The following SLC25A37 variants were observed in gnomAD, a reference collection of about 807,000 sequenced individuals.
SLC25A37 encodes the protein solute carrier family 25 member 37.
A neutral mutation model predicts 31.0 loss-of-function variants in SLC25A37; 17 were observed. That is an observed-to-expected ratio of 0.55 (90% CI 0.38 to 0.82). The LOEUF (loss-of-function observed/expected upper bound fraction) is 0.82. Ranked by LOEUF, SLC25A37 falls within the 40% of genes least tolerant of loss-of-function variation. The probability of loss-of-function intolerance (pLI) is 0.00; values close to 1 mark genes in which losing one functional copy is unlikely to be tolerated. For synonymous variants in SLC25A37, 222 were observed against 193.0 expected (o/e 1.15, Z -1.24); for missense variants, 404 against 465.8 (o/e 0.87, Z 1.22).
At chr8:23,535,010 C>T (rs183261720) in intron 1 of SLC25A37, among the ~76,000 whole-genome samples, 30 of 152,314 alleles carry the variant, frequency 2.0e-4, no homozygotes, top group African/African-American at 7.0e-4. Flanking sequence ...CCATTCCTTA[C>T]ACCTCTGAGT....
At chr8:23,543,676 A>G (rs966724900) in intron 1 of SLC25A37, among the ~76,000 whole-genome samples, 2 of 152,140 alleles carry the variant, frequency 1.3e-5, no homozygotes, top group Non-Finnish European at 2.9e-5. Context: ...CTGGGACTAC[A>G]GGCGCCTGCC....
chr8:23,568,503 C>G (rs1802729225), intron 3 of SLC25A37, 125 bp downstream of exon 3: 4 of 1,059,840 alleles, frequency 3.8e-6, no homozygotes, highest in Non-Finnish European at 5.8e-6. Context: ...TCAGAGCAGA[C>G]AGGAGAATTG....
intron 1 of SLC25A37, among the ~76,000 whole-genome samples, chr8:23,546,528 G>GGT (rs373417540): frequency 3.8e-5 from 3 of 78,532 alleles, no homozygotes; most frequent in African/African-American, 5.2e-5. Context: ...TATATATATA[G>GGT]GTGTATATAT....
rs762632743 is a variant in SLC25A37, at chr8:23,571,722, T to C, written c.884T>C (p.Leu295Pro). The C allele has an allele frequency of 1.9e-6, 3 of 1,614,050 alleles. No homozygotes were observed. The highest frequency in any genetic ancestry group is 2.5e-6 in the Non-Finnish European group (3 of 1,179,906). Residue 295 changes from leucine to proline, a missense_variant, in exon 4 of 4, where the codon CTG becomes CCG. Leu to Pro is a moderately conservative substitution (Grantham distance 98). This residue lies in a region of SLC25A37 where 243 missense variants were observed against 284.4 expected (regional missense o/e 0.85). Transcript: ENST00000519973. ...AFRTVYQLNG[L>P]AGYFKGIQAR... ...CGGACGGTGTACCAGCTCAACGGCC[T>C]GGCCGGCTACTTCAAAGGCATCCAG...
intron 1 of SLC25A37, among the ~76,000 whole-genome samples, chr8:23,558,802 G>A (rs540717831): frequency 3.3e-5 from 5 of 152,162 alleles, no homozygotes; most frequent in Non-Finnish European, 5.9e-5. Flanking sequence ...GGCAGGACAC[G>A]TTTCTCCATC....
rs1563272506 is a variant in SLC25A37, at chr8:23,574,087, C to A, written c.*2232C>A. The A allele has an allele frequency of 3.0e-6, 1 of 335,162 alleles. No individual in the cohort carries two copies. Among genetic ancestry groups the A allele is most frequent in the Non-Finnish European group, 6.0e-6 (1 of 166,698 alleles). 20.8% of individuals were successfully genotyped at this position (335,162 alleles called of 1,614,324 possible). A position where few individuals can be genotyped will look rare whatever the true frequency, so the allele number is the denominator to read the frequency against. The stretch of plus-strand genomic sequence containing the variant: ...TATGCCACGCTGAAGCAAGGTATTT[C>A]CTACTGGATTTTGCTTTCACTGGTG... On this transcript the variant is annotated 3_prime_UTR_variant, in exon 4 of 4. Coordinates refer to ENST00000519973, the MANE Select transcript of SLC25A37 (RefSeq NM_016612.4).
At chr8:23,547,786 C>T (rs1433156608) in intron 1 of SLC25A37, among the ~76,000 whole-genome samples, 2 of 152,330 alleles carry the variant, frequency 1.3e-5, no homozygotes, top group East Asian at 3.9e-4. Flanking sequence ...CTTCCAACGA[C>T]AACACTTCAA....
chr8:23,554,091 G>A (rs1323387389), intron 1 of SLC25A37, among the ~76,000 whole-genome samples: 5 of 152,146 alleles, frequency 3.3e-5, no homozygotes, highest in Admixed American at 2.0e-4. Flanking sequence ...GACTCTGGCC[G>A]ACCGCCTGGC....
At position 23,549,121 on chromosome 8, in the gene SLC25A37, T is replaced by G. The variant is rs548842404; in HGVS notation, c.211-16987T>G. On this transcript the variant is annotated intron_variant, in intron 1 of 3. Transcript: ENST00000519973. ...GTACTCTCTCTCTCCTCTACTAGACTATAAACTCCTTGAAGGCAAAGACGA... is the reference window on the plus strand; with the variant it reads ...GTACTCTCTCTCTCCTCTACTAGACGATAAACTCCTTGAAGGCAAAGACGA... Among the ~76,000 whole-genome samples, 31 of 152,344 alleles carry G rather than the reference T, an allele frequency of 2.0e-4. 1 individual carries two copies. In the East Asian group the frequency reaches 5.4e-3, roughly 27 times the overall value.
intron 2 of SLC25A37, chr8:23,567,737 T>C (rs1802702605): frequency 1.3e-5 from 2 of 152,750 alleles, no homozygotes; most frequent in Admixed American, 1.3e-4. Context: ...CTGACCCGAC[T>C]CTCAGATGGG....
intron 1 of SLC25A37, among the ~76,000 whole-genome samples, chr8:23,540,688 A>G (rs117375103): frequency 6.6e-6 from 1 of 152,198 alleles, no homozygotes; most frequent in Non-Finnish European, 1.5e-5. Context: ...AGTCGTGAAG[A>G]TTCCTTTCCA....
rs1364068529 is a variant in SLC25A37 at position 23,529,987 on chromosome 8, C to CG, written c.210+777dup. Among the ~76,000 whole-genome samples the CG allele has an allele frequency of 1.3e-5, 2 of 152,104 alleles. No homozygotes were observed. The highest frequency in any genetic ancestry group is 2.9e-5 in the Non-Finnish European group (2 of 68,036). On this transcript the variant is annotated intron_variant, in intron 1 of 3. Transcript: ENST00000519973. The surrounding 1 kb of genome is among the most constrained non-coding windows in gnomAD (Gnocchi z 4.1). Reference sequence around the variant, plus strand: ...TTTAAACCCTGTCTGTCACTTGCCCCGGTAGTTTTAACTGCATTTCTGTAA... The same window carrying CG: ...TTTAAACCCTGTCTGTCACTTGCCCCGGGTAGTTTTAACTGCATTTCTGTAA...
At chr8:23,541,285 T>C (rs747839403) in intron 1 of SLC25A37, among the ~76,000 whole-genome samples, 4 of 152,216 alleles carry the variant, frequency 2.6e-5, no homozygotes, top group Non-Finnish European at 5.9e-5. Flanking sequence ...GGATTTTATA[T>C]CCTTACTCTT....
At chr8:23,561,203 T>C (rs556521487) in intron 1 of SLC25A37, among the ~76,000 whole-genome samples, 11 of 152,084 alleles carry the variant, frequency 7.2e-5, no homozygotes, top group African/African-American at 2.7e-4. Flanking sequence ...CCTGAGGTTT[T>C]ATTTTTCTTT....
chr8:23,529,295 C>G lies in SLC25A37; in HGVS notation c.210+83C>G. On this transcript the variant is annotated intron_variant, in intron 1 of 3. Transcript: ENST00000519973. This position sits in a 1 kb window ranked among gnomAD's most constrained non-coding sequence, Gnocchi z 4.1. ...TTTGCATCCCGCGCGCCGGCAGCCT[C>G]GGGGCAGCGTCCCGAAACCGAGCTC... The G allele has an allele frequency of 7.3e-7, 1 of 1,377,008 alleles. No individual in the cohort carries two copies. Among genetic ancestry groups the G allele is most frequent in the Non-Finnish European group, 9.8e-7 (1 of 1,024,032 alleles). 85.3% of individuals were successfully genotyped at this position (1,377,008 alleles called of 1,614,324 possible). A position where few individuals can be genotyped will look rare whatever the true frequency, so the allele number is the denominator to read the frequency against.
rs1402300456 is a variant in SLC25A37 at position 23,572,503 on chromosome 8, A to G, written c.*648A>G. ...GCCGGCAGCTGTGTTTAGCCCCTCCAGATGGAAGTTTCACTTGAATGTAAA... is the reference window on the plus strand; with the variant it reads ...GCCGGCAGCTGTGTTTAGCCCCTCCGGATGGAAGTTTCACTTGAATGTAAA... On this transcript the variant is annotated 3_prime_UTR_variant, in exon 4 of 4. Transcript: ENST00000519973. The G allele has an allele frequency of 6.6e-6, 1 of 152,598 alleles. No homozygotes were observed. The highest frequency in any genetic ancestry group is 1.5e-5 in the Non-Finnish European group (1 of 68,034). 9.5% of individuals were successfully genotyped at this position (152,598 alleles called of 1,614,324 possible). A position where few individuals can be genotyped will look rare whatever the true frequency, so the allele number is the denominator to read the frequency against.
At chr8:23,556,661 A>G (rs1802375191) in intron 1 of SLC25A37, among the ~76,000 whole-genome samples, 1 of 152,036 alleles carries the variant, frequency 6.6e-6, no homozygotes, top group African/African-American at 2.4e-5. Context: ...TATATGTATT[A>G]TATGTATATT....
At chr8:23,541,146 A>G (rs1038024685) in intron 1 of SLC25A37, among the ~76,000 whole-genome samples, 3 of 152,018 alleles carry the variant, frequency 2.0e-5, no homozygotes, top group African/African-American at 7.3e-5. Flanking sequence ...TGCTCACAGC[A>G]TGCTCATTTC....
At chr8:23,545,620 C>T (rs147072279) in intron 1 of SLC25A37, among the ~76,000 whole-genome samples, 11 of 152,286 alleles carry the variant, frequency 7.2e-5, no homozygotes, top group South Asian at 2.1e-4. Context: ...TGAAGGAGCA[C>T]GTGTGTGGGC....
Sources: allele counts gnomAD v4.1 joint callset (sites outside exome capture counted in the v4.1 genomes callset), GRCh38; gene constraint gnomAD v4.1.1; regional missense constraint gnomAD v4.1.1; non-coding constraint Gnocchi (gnomAD v3.1); transcripts MANE v1.5; gene names NCBI Gene and HGNC (gene_info 2026-07-23, HGNC 2026-07-21).